Variants in SEC24C observed in about 807,000 individuals in gnomAD.
SEC24C encodes the protein protein transport protein Sec24C.
Under a neutral mutation model 117.0 loss-of-function variants are expected in SEC24C, and 22 were observed. The ratio of observed to expected loss-of-function variants is 0.19; its 90% CI spans 0.13 to 0.27. SEC24C has a LOEUF of 0.27. SEC24C is among the 10% of genes least tolerant of loss of function. SEC24C has a pLI of 1.00. For synonymous variants in SEC24C, 506 were observed against 529.4 expected, an observed-to-expected ratio of 0.96 and a Z score of 0.61; for missense variants, 1,155 against 1,375.1, an observed-to-expected ratio of 0.84 and a Z score of 2.53.
rs866064285 is a variant in SEC24C, at chr10:73,771,891, C to T, written c.*796C>T. The T allele has an allele frequency of 5.5e-4, 89 of 162,176 alleles. No individual in the cohort carries two copies. The highest frequency in any genetic ancestry group is 5.6e-3 in the Middle Eastern group (2 of 354). 10.0% of individuals were successfully genotyped at this position (162,176 alleles called of 1,614,324 possible). On this transcript the variant is annotated 3_prime_UTR_variant, in exon 23 of 23. Transcript: ENST00000345254. ...CCACGAGAAACACTGCTTCTCCAGG[C>T]CCGGGGTTGTTGGGGAGAGAGGCAG...
At chr10:73,757,699 G>GCGAGAGGAC (rs75947160) in intron 3 of SEC24C, among the ~76,000 whole-genome samples, 4 of 150,884 alleles carry the variant, frequency 2.7e-5, no homozygotes, top group African/African-American at 7.3e-5. Flanking sequence ...TGAAGCCGGG[G>GCGAGAGGAC]TAGGAGTTCA....
Position 73,760,202 on chromosome 10 carries a change from G to A in SEC24C, c.666G>A (p.Arg222=), listed in dbSNP as rs1047534650. The change falls in exon 5 of 23, where the codon CGG becomes CGA. Residue 222 remains arginine, a synonymous_variant. Transcript: ENST00000345254. Reference sequence around the variant, plus strand: ...CACCCCCAGCTTCAGGGGGTCCTCGGCTGCCTTCGATGACTGGTCCACTCC... The same window carrying A: ...CACCCCCAGCTTCAGGGGGTCCTCGACTGCCTTCGATGACTGGTCCACTCC... ...SFTPPASGGP[R]LPSMTGPLLP... 2 of 1,613,996 alleles carry A rather than the reference G, an allele frequency of 1.2e-6. No individual in the cohort carries two copies. Among genetic ancestry groups the A allele is most frequent in the Non-Finnish European group, 1.7e-6 (2 of 1,180,018 alleles).
At chr10:73,770,222 G>T in intron 20 of SEC24C, 58 bp from the exon 21 acceptor site, 1 of 1,506,526 alleles carries the variant, frequency 6.6e-7, no homozygotes, top group Admixed American at 2.0e-5. Context: ...GTGTGGTGCG[G>T]GGGGGCAGAC....
intron 6 of SEC24C, among the ~76,000 whole-genome samples, chr10:73,761,645 G>T (rs563298168): frequency 6.6e-6 from 1 of 152,236 alleles, no homozygotes; most frequent in South Asian, 2.1e-4. Context: ...GGAGCCTGTT[G>T]GCCAAGGAGA....
In SEC24C at chr10:73,770,493, G is replaced by T. The variant is rs180848438; in HGVS notation, c.3054+22G>T. ...TTTGGTGAGGGCAGGGAGTCAAGGA[G>T]AATATGGGTGTGGAAGTATACTTTG... On this transcript the variant is annotated intron_variant, in intron 21 of 22. Coordinates refer to ENST00000345254, the MANE Select transcript of SEC24C (RefSeq NM_198597.3). 34 of 1,611,822 alleles carry T rather than the reference G, an allele frequency of 2.1e-5. No individual in the cohort carries two copies. In the East Asian group the frequency reaches 5.8e-4, roughly 27 times the overall value.
rs374346201 is a variant in SEC24C at position 73,769,831 on chromosome 10, C to T, written c.2683-5C>T. On this transcript the variant is annotated splice_polypyrimidine_tract_variant and splice_region_variant and intron_variant, in intron 19 of 22. Transcript: ENST00000345254. This position sits in a 1 kb window ranked among gnomAD's most constrained non-coding sequence, Gnocchi z 4.5. ...TCATTGACTTTATTTTGATAATCCC[C>T]TCAGTTGATCCTTCCTGAGTGCATG... 2 of 1,613,624 alleles carry T rather than the reference C, an allele frequency of 1.2e-6. No individual in the cohort carries two copies. The highest frequency in any genetic ancestry group is 2.7e-5 in the African/African-American group (2 of 74,910).
In SEC24C at chr10:73,769,376, G is replaced by A. The variant is rs2082937728; in HGVS notation, c.2454G>A (p.Gly818=). ...CCCTGCTTTACACCAGCTGTGCAGGGCAGCGTCGGCTCCGCATCCATAATC... is the reference window on the plus strand; with the variant it reads ...CCCTGCTTTACACCAGCTGTGCAGGACAGCGTCGGCTCCGCATCCATAATC... ...QCALLYTSCA[G]QRRLRIHNLA... is the part of the protein sequence containing the mutation. Residue 818 remains glycine, a synonymous_variant, in exon 18 of 23, where the codon GGG becomes GGA. Coordinates refer to ENST00000345254, the MANE Select transcript of SEC24C (RefSeq NM_198597.3). This position sits in a 1 kb window ranked among gnomAD's most constrained non-coding sequence, Gnocchi z 4.5. 3 of 1,614,024 alleles carry A rather than the reference G, an allele frequency of 1.9e-6. No homozygotes were observed. The highest frequency in any genetic ancestry group is 4.5e-5 in the East Asian group (2 of 44,884).
In SEC24C at chr10:73,766,413, C is replaced by T. The variant is rs374113137; in HGVS notation, c.1671C>T (p.His557=). 1.9e-6 allele frequency: 3 copies of T among 1,614,068 alleles called. No individual in the cohort carries two copies. In the African/African-American group the frequency reaches 4.0e-5, roughly 22 times the overall value. The change falls in exon 12 of 23, where the codon CAC becomes CAT. Residue 557 remains histidine, a synonymous_variant. Transcript: ENST00000345254. ...TTGTCACCTACAATAAGGTGCTCCA[C>T]TTCTATAATGTGAAGAGCTCATTGG... The part of the protein sequence containing the change: ...VGFVTYNKVL[H]FYNVKSSLAQ...
chr10:73,771,208 G>C lies in SEC24C; in HGVS notation c.*113G>C. 2.4e-6 allele frequency: 3 copies of C among 1,246,474 alleles called. No individual in the cohort carries two copies. In the South Asian group the frequency reaches 4.3e-5, roughly 18 times the overall value. The allele number at this position is 1,246,474 out of a possible 1,614,324, so 77.2% of individuals were successfully genotyped here. A position where few individuals can be genotyped will look rare whatever the true frequency, so the allele number is the denominator to read the frequency against. ...TGTAAGCTGACCTCAGTCTCTCTGG[G>C]GGGAGGGGGAGATATAAGGAGACAC... On this transcript the variant is annotated 3_prime_UTR_variant, in exon 23 of 23. Transcript: ENST00000345254.
chr10:73,761,979 G>A (rs932568059), intron 6 of SEC24C: 3 of 582,130 alleles, frequency 5.2e-6, no homozygotes, highest in Non-Finnish European at 8.5e-6. Context: ...AGCAATATGA[G>A]CTGGGCTCCA....
At position 73,763,937 on chromosome 10, in the gene SEC24C, C is replaced by T; in HGVS notation, c.1181C>T (p.Pro394Leu). The T allele has an allele frequency of 6.2e-7, 1 of 1,609,860 alleles. No homozygotes were observed. The highest frequency in any genetic ancestry group is 8.5e-7 in the Non-Finnish European group (1 of 1,177,824). Residue 394 changes from proline to leucine, a missense_variant, in exon 8 of 23, where the codon CCC (proline) becomes CTC (leucine). Coordinates refer to ENST00000345254, the MANE Select transcript of SEC24C (RefSeq NM_198597.3). ...GACATGGCTAAGCAGGCTCAGGTGCCCCTGGCAGCAGTCATCAAACCGCTG... is the reference window on the plus strand; with the variant it reads ...GACATGGCTAAGCAGGCTCAGGTGCTCCTGGCAGCAGTCATCAAACCGCTG... ...TSDMAKQAQV[P>L]LAAVIKPLAR...
rs558688366 is a variant in SEC24C at position 73,771,369 on chromosome 10, T to G, written c.*274T>G. Reference sequence around the variant, plus strand: ...TAGCTTCTCAGTTCACTGTATATGATTCGGTATTGGGGGTTTGGAGGCACC... The same window carrying G: ...TAGCTTCTCAGTTCACTGTATATGAGTCGGTATTGGGGGTTTGGAGGCACC... On this transcript the variant is annotated 3_prime_UTR_variant, in exon 23 of 23. Transcript: ENST00000345254. 5.7e-5 allele frequency: 24 copies of G among 418,858 alleles called. No individual in the cohort carries two copies. The highest frequency in any genetic ancestry group is 3.8e-4 in the African/African-American group (19 of 49,506). The allele number at this position is 418,858 out of a possible 1,614,324, so 25.9% of individuals were successfully genotyped here.
rs746617834 is a variant in SEC24C, at chr10:73,759,700, T to C, written c.387T>C (p.Pro129=). The C allele has an allele frequency of 8.7e-6, 14 of 1,607,478 alleles. No individual in the cohort carries two copies. In the African/African-American group the frequency reaches 1.9e-4, roughly 22 times the overall value. The change falls in exon 4 of 23, where the codon CCT becomes CCC. Residue 129 remains proline, a synonymous_variant. Coordinates refer to ENST00000345254, the MANE Select transcript of SEC24C (RefSeq NM_198597.3). ...CACCTGTGCTTCAGCCCTATGGCCC[T>C]CCCCCGACAAGTGCACAGGTGGCTA... is the stretch of plus-strand genomic sequence containing the variant. ...NQPPVLQPYG[P]PPTSAQVATQ...
rs776653091 is a variant in SEC24C at position 73,770,290 on chromosome 10, C to T, written c.2873C>T (p.Pro958Leu). The change falls in exon 21 of 23, where the codon CCC (proline) becomes CTC (leucine). Residue 958 changes from proline to leucine, a missense_variant. Transcript: ENST00000345254. ...CTTCCTTTTGTCTAGACAAAGTCTC[C>T]CGTTGAGAGTACTACCGAACCACCA... The part of the protein sequence containing the change: ...YPRLLPLTKS[P>L]VESTTEPPAV... 14 of 1,606,604 alleles carry T rather than the reference C, an allele frequency of 8.7e-6. No homozygotes were observed. Among genetic ancestry groups the T allele is most frequent in the Non-Finnish European group, 1.2e-5 (14 of 1,176,066 alleles).
chr10:73,765,404 T>C (rs965078776), intron 8 of SEC24C, 47 bp from the exon 9 acceptor site: 10 of 1,589,508 alleles, frequency 6.3e-6, no homozygotes, highest in East Asian at 4.5e-5. Context: ...TGGCTGAACC[T>C]ACTGTGGTTT....
At chr10:73,760,894 C>T in intron 6 of SEC24C, 45 bp downstream of exon 6, 1 of 1,541,438 alleles carries the variant, frequency 6.5e-7, no homozygotes, top group South Asian at 1.2e-5. Flanking sequence ...TTGTGTCTGC[C>T]AGATAGGCAG....
At chr10:73,761,971 C>A in intron 6 of SEC24C, 1 of 519,118 alleles carries the variant, frequency 1.9e-6, no homozygotes, top group Non-Finnish European at 3.3e-6. Flanking sequence ...TTGATTTCAG[C>A]AATATGAGCT....
chr10:73,768,025 GGGCAGCAGGT>G lies in SEC24C; in HGVS notation c.2181+28_2181+37del, dbSNP rs902766825. 1.1e-5 allele frequency: 18 copies of G among 1,605,318 alleles called. No individual in the cohort carries two copies. The East Asian group carries it at 2.2e-4, about 20-fold the overall frequency. On this transcript the variant is annotated intron_variant, in intron 15 of 22. Transcript: ENST00000345254. ...CCTTTCAGGTATGGTGTGGGATTTG[GGGCAGCAGGT>G]GGCAGCAGGGCTGGGAATATCTGCT...
Position 73,751,250 on chromosome 10 carries a change from A to T in SEC24C, c.308+7A>T. On this transcript the variant is annotated splice_region_variant and intron_variant, in intron 3 of 22. Coordinates refer to ENST00000345254, the MANE Select transcript of SEC24C (RefSeq NM_198597.3). ...CCACTGTTCAGATGCAAAGGTAGGTACTTGGTCAATCTAAAATTGGTCTGA... is the reference window on the plus strand; with the variant it reads ...CCACTGTTCAGATGCAAAGGTAGGTTCTTGGTCAATCTAAAATTGGTCTGA... 1 of 1,610,966 alleles carries T rather than the reference A, an allele frequency of 6.2e-7. No individual in the cohort carries two copies. The highest frequency in any genetic ancestry group is 8.5e-7 in the Non-Finnish European group (1 of 1,177,820).
Sources: allele counts gnomAD v4.1 joint callset (sites outside exome capture counted in the v4.1 genomes callset), GRCh38; gene constraint gnomAD v4.1.1; non-coding constraint Gnocchi (gnomAD v3.1); transcripts MANE v1.5; gene names NCBI Gene and HGNC (gene_info 2026-07-23, HGNC 2026-07-21).